CERCAM: variants seen among roughly 807,000 people sequenced by gnomAD.
CERCAM encodes the protein inactive glycosyltransferase 25 family member 3.
CERCAM carries 59 observed loss-of-function variants against 66.0 expected under a neutral mutation model. The ratio of observed to expected loss-of-function variants is 0.89; its 90% CI spans 0.73 to 1.11. CERCAM has a LOEUF of 1.11. CERCAM is among the 50% of genes most tolerant of loss of function. The pLI, the probability that CERCAM is intolerant of heterozygous loss-of-function variation, is 0.00. For synonymous variants in CERCAM, 318 were observed against 343.6 expected, an observed-to-expected ratio of 0.93 and a Z score of 0.83; for missense variants, 840 against 828.3, an observed-to-expected ratio of 1.01 and a Z score of -0.17.
In CERCAM at chr9:128,435,844, G is replaced by T. The variant is rs1244088649; in HGVS notation, c.1727G>T (p.Arg576Leu). ...SGSQKTLRSPRLDLTGSSGHS... is the reference protein window; with the variant it reads ...SGSQKTLRSPLLDLTGSSGHS... ...TCCCAAAAGACCCTGCGCAGCCCCC[G>T]CCTGGACCTGACTGGCAGCAGCGGG... is the stretch of plus-strand genomic sequence containing the variant. Residue 576 changes from arginine (R) to leucine (L), a missense_variant, in exon 12 of 13, where the codon CGC becomes CTC. Transcript: ENST00000372838. 8 of 1,609,846 alleles carry T rather than the reference G, an allele frequency of 5.0e-6. No homozygotes were observed. The highest frequency in any genetic ancestry group is 1.7e-5 in the Admixed American group (1 of 59,790).
Sources: gnomAD v4.1 joint callset for allele counts on GRCh38, gnomAD v4.1.1 for gene constraint, MANE v1.5 for transcripts, NCBI Gene and HGNC (gene_info 2026-07-23, HGNC 2026-07-21) for gene names.